The following PREX2 variants were observed in gnomAD, a reference collection of about 807,000 sequenced individuals.
PREX2 encodes the protein phosphatidylinositol 3,4,5-trisphosphate-dependent Rac exchanger 2 protein.
Under a neutral mutation model 203.2 loss-of-function variants are expected in PREX2, and 107 were observed. The ratio of observed to expected loss-of-function variants is 0.53; its 90% CI spans 0.45 to 0.62. The LOEUF is 0.62. PREX2 is among the 20% of genes least tolerant of loss of function. PREX2 has a pLI of 0.00. For synonymous variants in PREX2, 672 were observed against 663.6 expected, an observed-to-expected ratio of 1.01 and a Z score of -0.19; for missense variants, 1,777 against 1,955.9, an observed-to-expected ratio of 0.91 and a Z score of 1.72.
At position 68,030,611 on chromosome 8, in the gene PREX2, A is replaced by G; in HGVS notation, c.658A>G (p.Lys220Glu). ...NINEAKRQMEKLEVLEEWQSH... is the reference protein window; with the variant it reads ...NINEAKRQMEELEVLEEWQSH... ...AAACGAGGCCAAGAGACAGATGGAGAAGTTAGAAGTTTTAGAGGAATGGCA... is the reference window on the plus strand; with the variant it reads ...AAACGAGGCCAAGAGACAGATGGAGGAGTTAGAAGTTTTAGAGGAATGGCA... Residue 220 changes from lysine (K) to glutamate (E), a missense_variant, in exon 6 of 40, where the codon AAG becomes GAG. Physicochemically the swap from Lys to Glu is moderately conservative, Grantham distance 56. Transcript: ENST00000288368. 1.2e-6 allele frequency: 2 copies of G among 1,613,638 alleles called. No individual in the cohort carries two copies. The highest frequency in any genetic ancestry group is 1.7e-6 in the Non-Finnish European group (2 of 1,179,670).
chr8:68,191,176 A>G (rs35141291), intron 35 of PREX2, among the ~76,000 whole-genome samples: 3,611 of 152,206 alleles, frequency 0.024, 152 homozygotes, highest in East Asian at 0.19. Context: ...CCTTAGAGAG[A>G]GTTTCACTTC....
rs534945048 is a variant in PREX2 at position 68,001,211 on chromosome 8, T to C, written c.142-16635T>C. Among the ~76,000 whole-genome samples the C allele has an allele frequency of 2.6e-5, 4 of 152,316 alleles. No individual in the cohort carries two copies. The East Asian group carries it at 7.7e-4, about 29-fold the overall frequency. On this transcript the variant is annotated intron_variant, in intron 1 of 39. Coordinates refer to ENST00000288368, the MANE Select transcript of PREX2 (RefSeq NM_024870.4). Reference sequence around the variant, plus strand: ...AACTCTGCATCTGGCAAAGGTCTAATATCCAGCATCTATAAGGAACTTAAA... The same window carrying C: ...AACTCTGCATCTGGCAAAGGTCTAACATCCAGCATCTATAAGGAACTTAAA...
chr8:68,156,938 G>A (rs111539397), intron 34 of PREX2, among the ~76,000 whole-genome samples: 5 of 152,210 alleles, frequency 3.3e-5, no homozygotes, highest in South Asian at 2.1e-4. Context: ...CTGTGTCTGC[G>A]TGCAGTTTCT....
At chr8:68,136,869 A>G (rs1375407879) in intron 32 of PREX2, among the ~76,000 whole-genome samples, 1 of 150,742 alleles carries the variant, frequency 6.6e-6, no homozygotes, top group East Asian at 2.0e-4. Flanking sequence ...TTCATCTTCT[A>G]CTGATGCTGC....
rs763509568 is a variant in PREX2 at position 68,106,571 on chromosome 8, TACAC to T, written c.2716-1534_2716-1531del. Among the ~76,000 whole-genome samples the T allele has an allele frequency of 2.0e-5, 3 of 152,290 alleles. No homozygotes were observed. In the East Asian group the frequency reaches 5.8e-4, roughly 29 times the overall value. ...CATGTGAATTGAAGACATAGTTTAA[TACAC>T]ACATTATACATGCGTATGTATATAT... On this transcript the variant is annotated intron_variant, in intron 23 of 39. Transcript: ENST00000288368.
intron 1 of PREX2, among the ~76,000 whole-genome samples, chr8:67,990,214 GCCC>G (rs2129609454): frequency 6.6e-6 from 1 of 152,190 alleles, no homozygotes; most frequent in East Asian, 1.9e-4. Flanking sequence ...TTGAACTCCT[GCCC>G]TCAAGTGATC....
chr8:68,228,780 A>C (rs1315376185), intron 39 of PREX2, among the ~76,000 whole-genome samples: 1 of 149,604 alleles, frequency 6.7e-6, no homozygotes, highest in Non-Finnish European at 1.5e-5. Flanking sequence ...TAAATAAATA[A>C]ATAAATAAAT....
chr8:68,048,131 A>T (rs977752787), intron 8 of PREX2, among the ~76,000 whole-genome samples: 5 of 152,070 alleles, frequency 3.3e-5, no homozygotes, highest in African/African-American at 9.7e-5. Context: ...CCATTCAACC[A>T]TTCTTCAGAT....
chr8:68,087,946 T>C, intron 19 of PREX2, 137 bp downstream of exon 19: 2 of 669,512 alleles, frequency 3.0e-6, no homozygotes, highest in African/African-American at 1.8e-5. Flanking sequence ...AACTCAATGG[T>C]AGCACATTCC....
intron 3 of PREX2, among the ~76,000 whole-genome samples, chr8:68,021,762 T>G (rs1274731189): frequency 6.6e-6 from 1 of 152,196 alleles, no homozygotes; most frequent in Non-Finnish European, 1.5e-5. Flanking sequence ...ATGGCAAAGC[T>G]CAGCCCTCTC....
At position 68,027,435 on chromosome 8, in the gene PREX2, C is replaced by A. The variant is rs1002922230; in HGVS notation, c.543+112C>A. The A allele has an allele frequency of 1.8e-5, 13 of 706,798 alleles. No individual in the cohort carries two copies. The East Asian group carries it at 3.6e-4, about 19-fold the overall frequency. 43.8% of individuals were successfully genotyped at this position (706,798 alleles called of 1,614,324 possible). A position where few individuals can be genotyped will look rare whatever the true frequency, so the allele number is the denominator to read the frequency against. On this transcript the variant is annotated intron_variant, in intron 5 of 39. Transcript: ENST00000288368. ...CTGATATTCTAAAGGAAGCGTAGAC[C>A]ATAAGTATTGGAAAAAAGTGGCCAT...
chr8:68,204,715 A>T, intron 37 of PREX2, among the ~76,000 whole-genome samples: 1 of 111,720 alleles, frequency 9.0e-6, no homozygotes, highest in East Asian at 2.7e-4. Flanking sequence ...GACACAGTCT[A>T]GCTCTGTTGC....
In PREX2 at chr8:68,030,466, A is replaced by G. The variant is rs753635277; in HGVS notation, c.544-31A>G. The G allele has an allele frequency of 5.6e-6, 9 of 1,606,758 alleles. No individual in the cohort carries two copies. The Admixed American group carries it at 1.5e-4, about 27-fold the overall frequency. ...TGCTGTACCAGAAAGCTGAAGATCAAAGGGCGATTTGTTTTTTTGTGTATA... is the reference window on the plus strand; with the variant it reads ...TGCTGTACCAGAAAGCTGAAGATCAGAGGGCGATTTGTTTTTTTGTGTATA... On this transcript the variant is annotated intron_variant, in intron 5 of 39. Coordinates refer to ENST00000288368, the MANE Select transcript of PREX2 (RefSeq NM_024870.4).
Position 68,077,268 on chromosome 8 carries a change from T to G in PREX2, c.1570-129T>G. On this transcript the variant is annotated intron_variant, in intron 14 of 39. Coordinates refer to ENST00000288368, the MANE Select transcript of PREX2 (RefSeq NM_024870.4). The stretch of plus-strand genomic sequence containing the variant: ...TTGTAACAATTAGATGCATTCTGTC[T>G]TATAAAGCAATGCATGCTTTATAAG... The G allele has an allele frequency of 2.8e-6, 2 of 708,280 alleles. 1 individual carries two copies. Among genetic ancestry groups the G allele is most frequent in the South Asian group, 3.0e-5 (2 of 65,912 alleles). The allele number at this position is 708,280 out of a possible 1,614,324, so 43.9% of individuals were successfully genotyped here. A position where few individuals can be genotyped will look rare whatever the true frequency, so the allele number is the denominator to read the frequency against.
At chr8:67,976,525 C>CAG (rs1330564484) in intron 1 of PREX2, among the ~76,000 whole-genome samples, 10 of 41,692 alleles carry the variant, frequency 2.4e-4, no homozygotes, top group East Asian at 1.5e-3. Context: ...GAGACAGAGA[C>CAG]AGAGAGAGAG....
intron 1 of PREX2, among the ~76,000 whole-genome samples, chr8:67,999,159 C>T (rs1806856713): frequency 6.6e-6 from 1 of 151,894 alleles, no homozygotes; most frequent in South Asian, 2.1e-4. Context: ...ATACAAAAAC[C>T]ATTCAAAAGA....
chr8:68,090,313 T>G (rs929594980), intron 19 of PREX2, among the ~76,000 whole-genome samples: 10 of 152,206 alleles, frequency 6.6e-5, no homozygotes, highest in African/African-American at 2.4e-4. Flanking sequence ...GAAAAAGAAC[T>G]GATTAGTATT....
intron 32 of PREX2, 52 bp downstream of exon 32, chr8:68,134,328 T>A: frequency 7.3e-7 from 1 of 1,379,290 alleles, no homozygotes; most frequent in Non-Finnish European, 1.0e-6. Context: ...ACCTGCACTG[T>A]AACATGTTTT....
chr8:68,038,728 A>G (rs1808108203), intron 7 of PREX2, among the ~76,000 whole-genome samples: 2 of 152,098 alleles, frequency 1.3e-5, no homozygotes, highest in South Asian at 2.1e-4. Flanking sequence ...TCCCCTTTAT[A>G]GAACACGTAA....
Sources: gnomAD v4.1 joint callset for allele counts (sites outside exome capture counted in the v4.1 genomes callset) on GRCh38, gnomAD v4.1.1 for gene constraint, MANE v1.5 for transcripts, NCBI Gene and HGNC (gene_info 2026-07-23, HGNC 2026-07-21) for gene names.